RAD54L2: variants seen among roughly 807,000 people sequenced by gnomAD.
RAD54L2 encodes the protein RAD54 like 2.
In RAD54L2, 27 loss-of-function variants were observed where a neutral mutation model predicts 138.4. That is an observed-to-expected ratio of 0.20 (90% CI 0.14 to 0.27). The LOEUF is 0.27. Among genes scored for constraint, RAD54L2 ranks in the 10% least tolerant of loss-of-function variants. RAD54L2 has a pLI of 1.00. For missense variants in RAD54L2, 1,396 were observed against 1,890.2 expected (o/e 0.74, Z 4.85); for synonymous variants, 644 against 723.2 (o/e 0.89, Z 1.76).
At position 51,644,352 on chromosome 3, in the gene RAD54L2, G is replaced by A. The variant is rs953835701; in HGVS notation, c.2450+378G>A. ...CCCAGCTACTTGGGAGGCAGAGGCG[G>A]GAGGATGGCTTGAGTCTGAGAGGTC... On this transcript the variant is annotated intron_variant, in intron 16 of 22. Coordinates refer to ENST00000684192, the MANE Select transcript of RAD54L2 (RefSeq NM_015106.4). 8.5e-5 allele frequency among the ~76,000 whole-genome samples: 13 copies of A among 152,278 alleles called. No homozygotes were observed. In the South Asian group the frequency reaches 2.3e-3, roughly 27 times the overall value.
At chr3:51,540,817 C>T (rs782143189) in intron 1 of RAD54L2, among the ~76,000 whole-genome samples, 21 of 151,970 alleles carry the variant, frequency 1.4e-4, no homozygotes, top group Non-Finnish European at 2.6e-4. Flanking sequence ...TTTGGGAGGT[C>T]GAGGCGGGCA....
Position 51,637,013 on chromosome 3 carries a change from T to C in RAD54L2, c.1340-148T>C, listed in dbSNP as rs1700997633. ...AGTCATATCCAGGAGCTTGAATGGCTGGCACCCTCTCACCAAGGGGGGCTG... is the reference window on the plus strand; with the variant it reads ...AGTCATATCCAGGAGCTTGAATGGCCGGCACCCTCTCACCAAGGGGGGCTG... On this transcript the variant is annotated intron_variant, in intron 10 of 22. Coordinates refer to ENST00000684192, the MANE Select transcript of RAD54L2 (RefSeq NM_015106.4). This position sits in a 1 kb window ranked among gnomAD's most constrained non-coding sequence, Gnocchi z 5.9. 4 of 673,986 alleles carry C rather than the reference T, an allele frequency of 5.9e-6. No individual in the cohort carries two copies. Among genetic ancestry groups the C allele is most frequent in the Non-Finnish European group, 1.0e-5 (4 of 388,698 alleles). 41.8% of individuals were successfully genotyped at this position (673,986 alleles called of 1,614,324 possible).
At chr3:51,542,033 T>C (rs907686050) in intron 2 of RAD54L2, among the ~76,000 whole-genome samples, 1 of 152,254 alleles carries the variant, frequency 6.6e-6, no homozygotes. Flanking sequence ...TAGAGTTTTC[T>C]ATTTCTTTAG....
intron 19 of RAD54L2, among the ~76,000 whole-genome samples, chr3:51,652,057 T>C (rs1256825961): frequency 1.3e-5 from 2 of 152,200 alleles, no homozygotes; most frequent in Non-Finnish European, 2.9e-5. Flanking sequence ...CAGCCCAAAA[T>C]CTCCTTAAGC....
rs1700936186 is a variant in RAD54L2, at chr3:51,634,570, AT to A, written c.1142+536del. Among the ~76,000 whole-genome samples the A allele has an allele frequency of 5.9e-5, 9 of 152,156 alleles. No homozygotes were observed. The South Asian group carries it at 1.7e-3, about 28-fold the overall frequency. On this transcript the variant is annotated intron_variant, in intron 9 of 22. Transcript: ENST00000684192. ...TTTTTAGTAGAGACAGGGTTTTGCC[AT>A]GTTGGCCAGGCTGGTCTCGAACTCC...
At position 51,663,148 on chromosome 3, in the gene RAD54L2, A is replaced by T. The variant is rs749267593; in HGVS notation, c.4132A>T (p.Ile1378Leu). Residue 1378 changes from isoleucine (I) to leucine (L), a missense_variant, in exon 23 of 23, where the codon ATA becomes TTA. Transcript: ENST00000684192. Reference protein sequence around the residue: ...SFMLNPSVPGILPSYSLPFSQ... With the variant: ...SFMLNPSVPGLLPSYSLPFSQ... ...CATGCTCAACCCTTCTGTGCCAGGG[A>T]TACTACCCAGCTATTCACTCCCATT... 1 of 1,613,846 alleles carries T rather than the reference A, an allele frequency of 6.2e-7. No individual in the cohort carries two copies. The highest frequency in any genetic ancestry group is 1.1e-5 in the South Asian group (1 of 91,078).
At chr3:51,540,570 A>G (rs1253772203) in intron 1 of RAD54L2, among the ~76,000 whole-genome samples, 1 of 152,242 alleles carries the variant, frequency 6.6e-6, no homozygotes, top group East Asian at 1.9e-4. Context: ...TACATGAACA[A>G]AAACAGTATC....
intron 2 of RAD54L2, among the ~76,000 whole-genome samples, chr3:51,588,366 C>G (rs1226735051): frequency 2.0e-5 from 3 of 150,676 alleles, no homozygotes; most frequent in Non-Finnish European, 3.0e-5. Context: ...AAAACCCCGT[C>G]TCTGCTAAAA....
chr3:51,652,661 A>G (rs1171093092), intron 19 of RAD54L2, among the ~76,000 whole-genome samples: 2 of 152,240 alleles, frequency 1.3e-5, no homozygotes, highest in Non-Finnish European at 2.9e-5. Context: ...AAACCTGAAC[A>G]GAAACAAGAA....
chr3:51,574,858 A>C (rs939875730), intron 2 of RAD54L2, among the ~76,000 whole-genome samples: 12 of 152,126 alleles, frequency 7.9e-5, no homozygotes, highest in South Asian at 2.1e-4. Flanking sequence ...TAATTAGATC[A>C]CATTTGTCAA....
chr3:51,539,852 A>G (rs1262872274), intron 1 of RAD54L2, among the ~76,000 whole-genome samples: 1 of 152,066 alleles, frequency 6.6e-6, no homozygotes, highest in Non-Finnish European at 1.5e-5. Flanking sequence ...ATTGAGGTGG[A>G]TGCAACTGGA....
chr3:51,634,113 T>G, intron 9 of RAD54L2, 78 bp downstream of exon 9: 1 of 1,517,980 alleles, frequency 6.6e-7, no homozygotes, highest in Non-Finnish European at 9.0e-7. Context: ...GCAGTCTCTT[T>G]GAGTGTGTAG....
At chr3:51,608,884 G>C (rs994313821) in intron 3 of RAD54L2, among the ~76,000 whole-genome samples, 3 of 152,070 alleles carry the variant, frequency 2.0e-5, no homozygotes, top group Non-Finnish European at 4.4e-5. Context: ...GGCAGGGGGA[G>C]GGAGAGGTAA....
rs561426152 is a variant in RAD54L2, at chr3:51,634,693, T to C, written c.1142+658T>C. Among the ~76,000 whole-genome samples, 9 of 152,314 alleles carry C rather than the reference T, an allele frequency of 5.9e-5. No individual in the cohort carries two copies. The East Asian group carries it at 7.7e-4, about 13-fold the overall frequency. ...TCTCTACTGTCTAATTTTTTACTTA[T>C]TACATTTCACTTTTCTTAAAAACCT... On this transcript the variant is annotated intron_variant, in intron 9 of 22. Coordinates refer to ENST00000684192, the MANE Select transcript of RAD54L2 (RefSeq NM_015106.4).
intron 2 of RAD54L2, among the ~76,000 whole-genome samples, chr3:51,579,209 C>T (rs1284165544): frequency 2.0e-5 from 3 of 148,840 alleles, no homozygotes; most frequent in East Asian, 4.0e-4. Context: ...GTCGCCCAGA[C>T]TGCAGTGCAG....
At chr3:51,613,234 G>T (rs1194383596) in intron 3 of RAD54L2, among the ~76,000 whole-genome samples, 1 of 152,032 alleles carries the variant, frequency 6.6e-6, no homozygotes, top group Non-Finnish European at 1.5e-5. Flanking sequence ...ACCACGCCCG[G>T]CCCCACGCAT....
At chr3:51,661,931 TAAAA>T (rs769045496) in intron 22 of RAD54L2, among the ~76,000 whole-genome samples, 10 of 152,170 alleles carry the variant, frequency 6.6e-5, no homozygotes, top group Non-Finnish European at 7.3e-5. Flanking sequence ...ATTATTACAC[TAAAA>T]AAAGCTAACG....
At chr3:51,655,235 A>C (rs1054952470) in intron 19 of RAD54L2, among the ~76,000 whole-genome samples, 4 of 152,100 alleles carry the variant, frequency 2.6e-5, no homozygotes, top group African/African-American at 9.7e-5. Flanking sequence ...CCAGGCCCAA[A>C]GACGAAAGAT....
chr3:51,615,387 G>T (rs1700422526), intron 3 of RAD54L2, among the ~76,000 whole-genome samples: 1 of 152,146 alleles, frequency 6.6e-6, no homozygotes, highest in South Asian at 2.1e-4. Flanking sequence ...GGGAAAGCGT[G>T]GTCCACAGAG....
Sources: allele counts gnomAD v4.1 joint callset (sites outside exome capture counted in the v4.1 genomes callset), GRCh38; gene constraint gnomAD v4.1.1; non-coding constraint Gnocchi (gnomAD v3.1); transcripts MANE v1.5; gene names NCBI Gene and HGNC (gene_info 2026-07-23, HGNC 2026-07-21).